The following RSBN1 variants were observed in gnomAD, a reference collection of about 807,000 sequenced individuals.
RSBN1 encodes round spermatid basic protein 1.
In RSBN1, 23 loss-of-function variants were observed where a neutral mutation model predicts 74.8. That is an observed-to-expected ratio of 0.31 (90% CI 0.22 to 0.44). RSBN1 has a LOEUF of 0.44. Among genes scored for constraint, RSBN1 ranks in the 20% least tolerant of loss-of-function variants. RSBN1 has a pLI of 1.00. For synonymous variants in RSBN1, 407 were observed against 379.6 expected, an observed-to-expected ratio of 1.07 and a Z score of -0.84; for missense variants, 808 against 1,020.9, an observed-to-expected ratio of 0.79 and a Z score of 2.84.
chr1:113,778,859 T>TGCAGC (rs1220933190), intron 2 of RSBN1, among the ~76,000 whole-genome samples: 26 of 152,224 alleles, frequency 1.7e-4, no homozygotes, highest in Non-Finnish European at 3.2e-4. Flanking sequence ...TTAGGACATA[T>TGCAGC]CCTACATAAA....
intron 1 of RSBN1, among the ~76,000 whole-genome samples, chr1:113,809,048 T>C (rs1360502637): frequency 7.0e-6 from 1 of 143,032 alleles, no homozygotes; most frequent in Non-Finnish European, 1.5e-5. Flanking sequence ...ATTAATTATC[T>C]AAAAAAAAAA....
At position 113,777,737 on chromosome 1, in the gene RSBN1, T is replaced by C. The variant is rs1429308308; in HGVS notation, c.1449A>G (p.Val483=). The C allele has an allele frequency of 6.2e-7, 1 of 1,612,040 alleles. No homozygotes were observed. The highest frequency in any genetic ancestry group is 2.2e-5 in the East Asian group (1 of 44,860). ...PMRQISLVGA[V]DEEVGDYFPE... ...GGAAATAATCACCAACTTCTTCATC[T>C]ACTGCTCCAACGAGACTTATCTGCC... Residue 483 remains valine (V), a synonymous_variant, in exon 3 of 7, where the codon GTA becomes GTG. Coordinates refer to ENST00000261441, the MANE Select transcript of RSBN1 (RefSeq NM_018364.5).
chr1:113,771,235 C>T (rs908997442), intron 4 of RSBN1, among the ~76,000 whole-genome samples: 8 of 152,090 alleles, frequency 5.3e-5, no homozygotes, highest in Non-Finnish European at 8.8e-5. Context: ...GCTAAAAACA[C>T]TAAGAGACAA....
chr1:113,768,162 A>G (rs970910700), intron 5 of RSBN1, 60 bp downstream of exon 5: 14 of 1,378,028 alleles, frequency 1.0e-5, no homozygotes, highest in Admixed American at 2.5e-5. Flanking sequence ...CCTTTTAAAT[A>G]GAGTCCACAT....
intron 4 of RSBN1, among the ~76,000 whole-genome samples, chr1:113,769,526 C>T (rs2101791613): frequency 6.6e-6 from 1 of 152,288 alleles, no homozygotes. Flanking sequence ...GTATATTAAA[C>T]ACACAGCAGT....
At chr1:113,800,602 G>A (rs1660562901) in intron 1 of RSBN1, among the ~76,000 whole-genome samples, 1 of 152,064 alleles carries the variant, frequency 6.6e-6, no homozygotes, top group Non-Finnish European at 1.5e-5. Context: ...AATAGATCTT[G>A]TTATTTTAAG....
chr1:113,803,977 G>A (rs564658970), intron 1 of RSBN1, among the ~76,000 whole-genome samples: 67 of 151,724 alleles, frequency 4.4e-4, no homozygotes, highest in African/African-American at 1.5e-3. Flanking sequence ...TGGGCTTGGC[G>A]GTGCATGCCT....
chr1:113,789,249 T>G (rs2101810164), intron 2 of RSBN1, among the ~76,000 whole-genome samples: 1 of 152,140 alleles, frequency 6.6e-6, no homozygotes, highest in Admixed American at 6.5e-5. Flanking sequence ...TAATGAAGGC[T>G]TCATAAAAAC....
intron 4 of RSBN1, among the ~76,000 whole-genome samples, chr1:113,770,240 T>C (rs1006200710): frequency 6.6e-6 from 1 of 152,202 alleles, no homozygotes; most frequent in Non-Finnish European, 1.5e-5. Flanking sequence ...CTATTAGATA[T>C]AGCCAAATCA....
At chr1:113,809,337 T>G (rs1558006349) in intron 1 of RSBN1, among the ~76,000 whole-genome samples, 1 of 152,084 alleles carries the variant, frequency 6.6e-6, no homozygotes, top group African/African-American at 2.4e-5. Context: ...TGAGAGAGGG[T>G]AAAGCAATTT....
chr1:113,784,738 G>C (rs981896241), intron 2 of RSBN1, among the ~76,000 whole-genome samples: 3 of 152,178 alleles, frequency 2.0e-5, no homozygotes, highest in African/African-American at 7.2e-5. Flanking sequence ...CAGTACTGGG[G>C]GACCAGTACA....
chr1:113,776,023 C>T (rs1660016970), intron 4 of RSBN1, among the ~76,000 whole-genome samples: 2 of 152,148 alleles, frequency 1.3e-5, no homozygotes, highest in Non-Finnish European at 2.9e-5. Context: ...TTTTCGTAGT[C>T]TAAGCAGGTA....
intron 2 of RSBN1, among the ~76,000 whole-genome samples, chr1:113,791,946 A>T (rs1441389427): frequency 1.3e-5 from 2 of 152,204 alleles, no homozygotes; most frequent in African/African-American, 4.8e-5. Flanking sequence ...GCATATAACA[A>T]GCCCATATAA....
At chr1:113,792,478 G>A (rs1660386478) in intron 2 of RSBN1, among the ~76,000 whole-genome samples, 1 of 152,206 alleles carries the variant, frequency 6.6e-6, no homozygotes, top group Non-Finnish European at 1.5e-5. Context: ...CAAAGCAGGA[G>A]AATCCGTTGA....
chr1:113,773,418 G>A (rs997844835), intron 4 of RSBN1, among the ~76,000 whole-genome samples: 1 of 152,212 alleles, frequency 6.6e-6, no homozygotes, highest in African/African-American at 2.4e-5. Context: ...CAGCTACCTG[G>A]GAGGCTGAGG....
intron 1 of RSBN1, among the ~76,000 whole-genome samples, chr1:113,800,903 G>A (rs779573120): frequency 6.6e-6 from 1 of 150,604 alleles, no homozygotes; most frequent in Non-Finnish European, 1.5e-5. Flanking sequence ...ATCTTACATT[G>A]TAATCTCATA....
At position 113,762,672 on chromosome 1, in the gene RSBN1, C is replaced by T. The variant is rs954573507; in HGVS notation, c.*3308G>A. On this transcript the variant is annotated 3_prime_UTR_variant, in exon 7 of 7. Transcript: ENST00000261441. ...AATGATTAAGAATATATTCACTAAG[C>T]GTTTTCATGGATTTGGGAGTCTTGT... 4 of 152,642 alleles carry T rather than the reference C, an allele frequency of 2.6e-5. No homozygotes were observed. The highest frequency in any genetic ancestry group is 1.3e-4 in the Admixed American group (2 of 15,280). The allele number at this position is 152,642 out of a possible 1,614,324, so 9.5% of individuals were successfully genotyped here. A position where few individuals can be genotyped will look rare whatever the true frequency, so the allele number is the denominator to read the frequency against.
In RSBN1 at chr1:113,797,945, G is replaced by C. The variant is rs778399501; in HGVS notation, c.795C>G (p.Asp265Glu). 2 of 1,613,736 alleles carry C rather than the reference G, an allele frequency of 1.2e-6. No individual in the cohort carries two copies. The highest frequency in any genetic ancestry group is 1.7e-6 in the Non-Finnish European group (2 of 1,179,890). The part of the protein sequence containing the change: ...KKKKKKKHRE[D>E]MRGRRLKMYN... Reference sequence around the variant, plus strand: ...ACATTTTAAGGCGTCTTCCTCGCATGTCTTCTCGGTGTTTCTTTTTCTTTT... The same window carrying C: ...ACATTTTAAGGCGTCTTCCTCGCATCTCTTCTCGGTGTTTCTTTTTCTTTT... Residue 265 changes from aspartate to glutamate, a missense_variant, in exon 2 of 7, where the codon GAC (aspartate) becomes GAG (glutamate). Coordinates refer to ENST00000261441, the MANE Select transcript of RSBN1 (RefSeq NM_018364.5).
chr1:113,776,831 AAT>A (rs1403548357), intron 4 of RSBN1, among the ~76,000 whole-genome samples: 23 of 150,982 alleles, frequency 1.5e-4, no homozygotes, highest in African/African-American at 5.4e-4. Context: ...AAAAAAAAAA[AAT>A]AGTGCAAAAG....
Sources: allele counts gnomAD v4.1 joint callset (sites outside exome capture counted in the v4.1 genomes callset), GRCh38; gene constraint gnomAD v4.1.1; transcripts MANE v1.5; gene names NCBI Gene and HGNC (gene_info 2026-07-23, HGNC 2026-07-21).